Variants in RBL1 observed in about 807,000 individuals in gnomAD.
The protein encoded by RBL1 is RB transcriptional corepressor like 1, also known as retinoblastoma-like protein 1.
Under a neutral mutation model 123.0 loss-of-function variants are expected in RBL1, and 82 were observed. The observed-to-expected ratio is 0.67, with a 90% confidence interval of 0.56 to 0.80. The LOEUF is 0.80. RBL1 is among the 30% of genes least tolerant of loss of function. The pLI is 0.00. For missense variants in RBL1, 1,171 were observed against 1,299.6 expected, an observed-to-expected ratio of 0.90 and a Z score of 1.52; for synonymous variants, 405 against 441.3, an observed-to-expected ratio of 0.92 and a Z score of 1.03.
chr20:37,049,200 C>CCAAAAAA (rs138119443), intron 11 of RBL1: 19 of 367,002 alleles, frequency 5.2e-5, no homozygotes, highest in South Asian at 2.7e-4. Flanking sequence ...AGACTCTGTC[C>CCAAAAAA]CAAAAAACAA....
At chr20:37,065,080 C>T (rs1226846589) in intron 7 of RBL1, among the ~76,000 whole-genome samples, 2 of 152,012 alleles carry the variant, frequency 1.3e-5, no homozygotes, top group African/African-American at 2.4e-5. Flanking sequence ...CACAGGCTCA[C>T]ACCACTACGT....
intron 7 of RBL1, among the ~76,000 whole-genome samples, chr20:37,064,135 CTT>C (rs1568871472): frequency 7.0e-6 from 1 of 143,184 alleles, no homozygotes; most frequent in Non-Finnish European, 1.5e-5. Flanking sequence ...AATTTCTTTT[CTT>C]TCTTTTTTTT....
chr20:37,038,463 G>C (rs1313871278), intron 14 of RBL1, among the ~76,000 whole-genome samples: 1 of 149,334 alleles, frequency 6.7e-6, no homozygotes, highest in Admixed American at 6.7e-5. Flanking sequence ...ACCATGCCTG[G>C]CTAATTTTTG....
Position 36,998,544 on chromosome 20 carries a change from A to T in RBL1, c.*215T>A. The stretch of plus-strand genomic sequence containing the variant: ...TGGCCGGACTATTAGTATTTTTAAA[A>T]GGCACTTAAAATATTCCTTTCCAAT... On this transcript the variant is annotated 3_prime_UTR_variant, in exon 22 of 22. Coordinates refer to ENST00000373664, the MANE Select transcript of RBL1 (RefSeq NM_002895.5). 2.0e-6 allele frequency: 1 copy of T among 490,954 alleles called. No individual in the cohort carries two copies. Among genetic ancestry groups the T allele is most frequent in the Non-Finnish European group, 3.5e-6 (1 of 282,190 alleles). The allele number at this position is 490,954 out of a possible 1,614,324, so 30.4% of individuals were successfully genotyped here. A position where few individuals can be genotyped will look rare whatever the true frequency, so the allele number is the denominator to read the frequency against.
rs1035448419 is a variant in RBL1 at position 37,095,771 on chromosome 20, A to C, written c.156+2T>G. 1 of 1,583,872 alleles carries C rather than the reference A, an allele frequency of 6.3e-7. No homozygotes were observed. The highest frequency in any genetic ancestry group is 8.6e-7 in the Non-Finnish European group (1 of 1,161,550). On this transcript the variant is annotated splice_donor_variant, in intron 1 of 21. Transcript: ENST00000373664. LOFTEE classifies it high-confidence loss of function. ...CCGGCCGCCCCACCTGCTGCCGCTC[A>C]CCTCTAGGCTGTAGTTGCCTCGGAT...
intron 19 of RBL1, among the ~76,000 whole-genome samples, chr20:37,012,107 C>T (rs1238601814): frequency 7.9e-5 from 12 of 152,368 alleles, no homozygotes; most frequent in East Asian, 5.8e-4. Context: ...GCGAGTGATC[C>T]GCCAGCCTCG....
Position 37,014,079 on chromosome 20 carries a change from T to TTC in RBL1, c.2722+4198_2722+4199dup, listed in dbSNP as rs1299878350. ...TGACTGTATATCCTCCTACATAACTTTCTCTCTTTTTTTTTTTTTTTTTTG... is the reference window on the plus strand; with the variant it reads ...TGACTGTATATCCTCCTACATAACTTTCTCTCTCTTTTTTTTTTTTTTTTTTG... On this transcript the variant is annotated intron_variant, in intron 19 of 21. Coordinates refer to ENST00000373664, the MANE Select transcript of RBL1 (RefSeq NM_002895.5). Among the ~76,000 whole-genome samples, 428 of 151,112 alleles carry TTC rather than the reference T, an allele frequency of 2.8e-3. 5 individuals carry two copies. Among genetic ancestry groups the TTC allele is most frequent in the African/African-American group, 0.01 (416 of 40,864 alleles).
intron 21 of RBL1, among the ~76,000 whole-genome samples, chr20:36,999,766 T>G (rs2063936125): frequency 6.6e-6 from 1 of 152,254 alleles, no homozygotes; most frequent in African/African-American, 2.4e-5. Flanking sequence ...GGTGCCGGGA[T>G]GGCAGACGGA....
rs944536001 is a variant in RBL1 at position 37,055,410 on chromosome 20, T to C, written c.1467+143A>G. On this transcript the variant is annotated intron_variant, in intron 11 of 21. Transcript: ENST00000373664. Reference sequence around the variant, plus strand: ...TCTGCCTAGATTGATTAGCCTTGCATGTGCTAAAGTCAACTAAATGCCATC... The same window carrying C: ...TCTGCCTAGATTGATTAGCCTTGCACGTGCTAAAGTCAACTAAATGCCATC... 8 of 1,209,136 alleles carry C rather than the reference T, an allele frequency of 6.6e-6. No individual in the cohort carries two copies. In the African/African-American group the frequency reaches 7.6e-5, roughly 12 times the overall value. 74.9% of individuals were successfully genotyped at this position (1,209,136 alleles called of 1,614,324 possible). A position where few individuals can be genotyped will look rare whatever the true frequency, so the allele number is the denominator to read the frequency against.
intron 2 of RBL1, among the ~76,000 whole-genome samples, chr20:37,082,250 G>A (rs1161747871): frequency 6.6e-6 from 1 of 152,210 alleles, no homozygotes; most frequent in Non-Finnish European, 1.5e-5. Context: ...CTGCACCTCA[G>A]TGGAGCAGAG....
At chr20:37,002,735 T>G (rs74502014) in intron 21 of RBL1, among the ~76,000 whole-genome samples, 12 of 148,804 alleles carry the variant, frequency 8.1e-5, no homozygotes, top group African/African-American at 3.0e-4. Flanking sequence ...TTTTTTTTTT[T>G]GAGACAGAGT....
At chr20:37,011,025 G>T (rs937141295) in intron 19 of RBL1, among the ~76,000 whole-genome samples, 2 of 151,988 alleles carry the variant, frequency 1.3e-5, no homozygotes, top group Admixed American at 6.6e-5. Flanking sequence ...TTGCTGTGTT[G>T]CTCATGCTGG....
chr20:37,010,293 G>A lies in RBL1; in HGVS notation c.2723-2734C>T, dbSNP rs191267427. 1.8e-4 allele frequency among the ~76,000 whole-genome samples: 28 copies of A among 152,102 alleles called. No homozygotes were observed. In the East Asian group the frequency reaches 4.3e-3, roughly 23 times the overall value. Reference sequence around the variant, plus strand: ...TGAATGTTTATTAAGTGTGACTAATGCTAAAAAAGCCATACTCATTAATAC... The same window carrying A: ...TGAATGTTTATTAAGTGTGACTAATACTAAAAAAGCCATACTCATTAATAC... On this transcript the variant is annotated intron_variant, in intron 19 of 21. Transcript: ENST00000373664.
intron 12 of RBL1, 51 bp from the exon 13 acceptor site, chr20:37,044,301 G>C: frequency 1.3e-6 from 2 of 1,565,570 alleles, no homozygotes; most frequent in Non-Finnish European, 1.7e-6. Context: ...GTTAGTTCTA[G>C]TCTGGACTTG....
chr20:37,080,149 T>A (rs1311070178), intron 2 of RBL1, among the ~76,000 whole-genome samples: 1 of 152,054 alleles, frequency 6.6e-6, no homozygotes, highest in Non-Finnish European at 1.5e-5. Flanking sequence ...AATATTTATT[T>A]TATTTATTTA....
chr20:37,020,594 A>G, intron 18 of RBL1, 65 bp downstream of exon 18: 1 of 1,096,564 alleles, frequency 9.1e-7, no homozygotes, highest in Non-Finnish European at 1.3e-6. Context: ...TTTACCTTTT[A>G]TATAACTTGT....
At position 37,075,307 on chromosome 20, in the gene RBL1, T is replaced by C. The variant is rs79205232; in HGVS notation, c.291-7121A>G. Among the ~76,000 whole-genome samples the C allele has an allele frequency of 5.3e-3, 803 of 152,064 alleles. 10 individuals carry two copies. Among genetic ancestry groups the C allele is most frequent in the Non-Finnish European group, 6.3e-3 (428 of 67,988 alleles). ...GTGGTGGTACACAACTCTGTGAAAA[T>C]ACAAAAAACCATGGAACTGTACAGT... is the stretch of plus-strand genomic sequence containing the variant. On this transcript the variant is annotated intron_variant, in intron 2 of 21. Transcript: ENST00000373664.
At chr20:37,011,383 T>C (rs1018025478) in intron 19 of RBL1, among the ~76,000 whole-genome samples, 1 of 151,978 alleles carries the variant, frequency 6.6e-6, no homozygotes, top group Non-Finnish European at 1.5e-5. Flanking sequence ...CTGCTAGGCA[T>C]ATCTCAGTCA....
At chr20:37,047,888 T>A (rs148181648) in intron 11 of RBL1, among the ~76,000 whole-genome samples, 11 of 151,916 alleles carry the variant, frequency 7.2e-5, no homozygotes, top group African/African-American at 2.2e-4. Flanking sequence ...GCTGAGGCAG[T>A]GGAATCACTT....
Sources: allele counts gnomAD v4.1 joint callset (sites outside exome capture counted in the v4.1 genomes callset), GRCh38; gene constraint gnomAD v4.1.1; transcripts MANE v1.5; gene names NCBI Gene and HGNC (gene_info 2026-07-23, HGNC 2026-07-21).